DNAAF9: variants seen among roughly 807,000 people sequenced by gnomAD.
DNAAF9 encodes the protein shulin.
In DNAAF9, 90 loss-of-function variants were observed where a neutral mutation model predicts 167.0. That is an observed-to-expected ratio of 0.54 (90% CI 0.45 to 0.64). The LOEUF (loss-of-function observed/expected upper bound fraction) is 0.64. Among genes scored for constraint, DNAAF9 ranks in the 30% least tolerant of loss-of-function variants. DNAAF9 has a pLI of 0.00. For synonymous variants in DNAAF9, 491 were observed against 508.8 expected (o/e 0.96, Z 0.47); for missense variants, 1,315 against 1,442.2 (o/e 0.91, Z 1.43).
intron 1 of DNAAF9, among the ~76,000 whole-genome samples, chr20:3,401,145 T>C (rs1244290888): frequency 6.6e-6 from 1 of 152,218 alleles, no homozygotes; most frequent in East Asian, 1.9e-4. Flanking sequence ...AAGAGATAAC[T>C]AACCTCTGTG....
At chr20:3,287,064 C>T (rs111581395) in intron 27 of DNAAF9, among the ~76,000 whole-genome samples, 6,720 of 152,224 alleles carry the variant, frequency 0.044, 222 homozygotes, top group African/African-American at 0.094. Context: ...CCTGCCCTCC[C>T]GTGTTGCACA....
intron 1 of DNAAF9, among the ~76,000 whole-genome samples, chr20:3,392,576 C>T (rs1477871739): frequency 6.6e-6 from 1 of 152,182 alleles, no homozygotes; most frequent in East Asian, 1.9e-4. Context: ...TAAAGCCAGT[C>T]GTGGGTACAA....
chr20:3,395,342 G>A (rs1282051047), intron 1 of DNAAF9, among the ~76,000 whole-genome samples: 1 of 151,180 alleles, frequency 6.6e-6, no homozygotes, highest in African/African-American at 2.4e-5. Flanking sequence ...ATGCAGTGGT[G>A]CAATCTCAGC....
intron 12 of DNAAF9, among the ~76,000 whole-genome samples, chr20:3,327,371 GA>G (rs1416016072): frequency 6.6e-6 from 1 of 152,092 alleles, no homozygotes; most frequent in Non-Finnish European, 1.5e-5. Flanking sequence ...TGGGAGTGGG[GA>G]AAGATGGGGG....
chr20:3,292,267 T>G (rs1049573430), intron 25 of DNAAF9, among the ~76,000 whole-genome samples: 1 of 152,144 alleles, frequency 6.6e-6, no homozygotes, highest in African/African-American at 2.4e-5. Flanking sequence ...CCCAAAGTGC[T>G]GGGATTACAG....
At chr20:3,356,093 C>CT (rs2083283141) in intron 7 of DNAAF9, among the ~76,000 whole-genome samples, 1 of 152,210 alleles carries the variant, frequency 6.6e-6, no homozygotes, top group Non-Finnish European at 1.5e-5. Flanking sequence ...TCTTGGCTCA[C>CT]TGCAACTTCC....
chr20:3,354,984 G>C (rs935909186), intron 7 of DNAAF9, among the ~76,000 whole-genome samples: 50 of 152,118 alleles, frequency 3.3e-4, no homozygotes, highest in Admixed American at 3.3e-3. Flanking sequence ...CTCCCGAGTG[G>C]ACCCTCTCCA....
intron 26 of DNAAF9, among the ~76,000 whole-genome samples, chr20:3,289,407 T>C (rs1031656776): frequency 6.6e-6 from 1 of 152,130 alleles, no homozygotes; most frequent in Admixed American, 6.6e-5. Flanking sequence ...ATCGTGCCAC[T>C]GTACGCGAGT....
Position 3,253,765 on chromosome 20 carries a change from A to G in DNAAF9, c.3382T>C (p.Phe1128Leu). ...PAGYFYNGTQ[F>L]VNFFGDKTDF... Reference sequence around the variant, plus strand: ...GTTTTGTCACCAAAGAAGTTAACAAATTGGGTGCCATTATAAAAGTAGCCT... The same window carrying G: ...GTTTTGTCACCAAAGAAGTTAACAAGTTGGGTGCCATTATAAAAGTAGCCT... The change falls in exon 36 of 37, where the codon TTT becomes CTT. Residue 1128 changes from phenylalanine (F) to leucine (L), a missense_variant. Physicochemically the swap from Phe to Leu is conservative, Grantham distance 22 (BLOSUM62 0). Transcript: ENST00000252032. 6.2e-7 allele frequency: 1 copy of G among 1,613,364 alleles called. No individual in the cohort carries two copies. The highest frequency in any genetic ancestry group is 8.5e-7 in the Non-Finnish European group (1 of 1,179,326).
At chr20:3,343,543 T>G in intron 9 of DNAAF9, 133 bp downstream of exon 9, 1 of 667,596 alleles carries the variant, frequency 1.5e-6, no homozygotes, top group Non-Finnish European at 2.7e-6. Flanking sequence ...TTTCTTACCC[T>G]GTGATAACTA....
intron 7 of DNAAF9, among the ~76,000 whole-genome samples, chr20:3,351,049 T>C (rs1481724860): frequency 1.3e-5 from 2 of 152,210 alleles, no homozygotes; most frequent in African/African-American, 4.8e-5. Flanking sequence ...ATGTGCTTCT[T>C]GATAAAGAAT....
chr20:3,346,555 C>T (rs1296406473), intron 8 of DNAAF9, among the ~76,000 whole-genome samples: 3 of 152,060 alleles, frequency 2.0e-5, no homozygotes, highest in South Asian at 2.1e-4. Context: ...GAGAGAGTTC[C>T]AGGATATACT....
chr20:3,383,070 C>CA (rs1441590284), intron 1 of DNAAF9, among the ~76,000 whole-genome samples: 5 of 151,996 alleles, frequency 3.3e-5, no homozygotes, highest in Non-Finnish European at 7.4e-5. Flanking sequence ...GCCCTAGGGA[C>CA]AGCCGTTTGC....
At chr20:3,274,870 C>G (rs2068652301) in intron 29 of DNAAF9, among the ~76,000 whole-genome samples, 2 of 152,208 alleles carry the variant, frequency 1.3e-5, no homozygotes, top group Admixed American at 1.3e-4. Flanking sequence ...CAAGCCAAGG[C>G]AGCTACACTC....
intron 31 of DNAAF9, among the ~76,000 whole-genome samples, chr20:3,263,226 G>A (rs564335026): frequency 1.3e-5 from 2 of 152,148 alleles, no homozygotes; most frequent in East Asian, 1.9e-4. Flanking sequence ...TGCCCGCCTC[G>A]GCATCCCAAA....
intron 21 of DNAAF9, among the ~76,000 whole-genome samples, chr20:3,299,622 A>G (rs1421594612): frequency 6.6e-6 from 1 of 152,194 alleles, no homozygotes; most frequent in Non-Finnish European, 1.5e-5. Flanking sequence ...TCTCAGCACC[A>G]TTAGTTAAAA....
chr20:3,346,198 T>C (rs906071100), intron 8 of DNAAF9, among the ~76,000 whole-genome samples: 3 of 152,204 alleles, frequency 2.0e-5, no homozygotes, highest in African/African-American at 4.8e-5. Context: ...CAGGCATTCA[T>C]ATAGTGCTGG....
At chr20:3,308,736 G>A (rs1389532345) in intron 20 of DNAAF9, among the ~76,000 whole-genome samples, 1 of 151,754 alleles carries the variant, frequency 6.6e-6, no homozygotes, top group Non-Finnish European at 1.5e-5. Flanking sequence ...CAGCACTTTG[G>A]GAGACTGAGG....
chr20:3,378,209 C>T (rs2083600974), intron 3 of DNAAF9, among the ~76,000 whole-genome samples: 2 of 152,190 alleles, frequency 1.3e-5, no homozygotes, highest in Non-Finnish European at 2.9e-5. Flanking sequence ...GGAAACAGCA[C>T]CAAATATGGC....
Sources: allele counts gnomAD v4.1 joint callset (sites outside exome capture counted in the v4.1 genomes callset), GRCh38; gene constraint gnomAD v4.1.1; transcripts MANE v1.5; gene names NCBI Gene and HGNC (gene_info 2026-07-23, HGNC 2026-07-21).